The following SCD5 variants were observed in gnomAD, a reference collection of about 807,000 sequenced individuals.
The protein encoded by SCD5 is acyl-CoA-desaturase 4.
Under a neutral mutation model 30.4 loss-of-function variants are expected in SCD5, and 20 were observed. The ratio of observed to expected loss-of-function variants is 0.66; its 90% CI spans 0.46 to 0.96. The LOEUF (loss-of-function observed/expected upper bound fraction) is 0.96. SCD5 is among the 40% of genes least tolerant of loss of function. The pLI is 0.00. For missense variants in SCD5, 381 were observed against 443.3 expected, an observed-to-expected ratio of 0.86 and a Z score of 1.26; for synonymous variants, 173 against 176.4, an observed-to-expected ratio of 0.98 and a Z score of 0.16.
At chr4:82,685,114 T>C (rs1005047978) in intron 2 of SCD5, among the ~76,000 whole-genome samples, 1 of 152,140 alleles carries the variant, frequency 6.6e-6, no homozygotes, top group Non-Finnish European at 1.5e-5. Flanking sequence ...TCTCACCACA[T>C]GTTAATTGAT....
chr4:82,646,929 T>G (rs1430322870), intron 3 of SCD5, among the ~76,000 whole-genome samples: 1 of 152,234 alleles, frequency 6.6e-6, no homozygotes, highest in Non-Finnish European at 1.5e-5. Flanking sequence ...TTCAAGTGAT[T>G]CTCCTGCCTC....
At chr4:82,763,310 G>A (rs1043906241) in intron 1 of SCD5, among the ~76,000 whole-genome samples, 2 of 152,106 alleles carry the variant, frequency 1.3e-5, no homozygotes, top group African/African-American at 2.4e-5. Flanking sequence ...TCAGGAGTTC[G>A]AGACCAGCCT....
intron 1 of SCD5, among the ~76,000 whole-genome samples, chr4:82,709,020 G>A (rs1720025386): frequency 6.6e-6 from 1 of 152,116 alleles, no homozygotes; most frequent in Non-Finnish European, 1.5e-5. Flanking sequence ...GTGCCATTAT[G>A]ATCTCCATCT....
At chr4:82,683,455 A>C (rs1010796688) in intron 2 of SCD5, among the ~76,000 whole-genome samples, 1 of 152,244 alleles carries the variant, frequency 6.6e-6, no homozygotes, top group African/African-American at 2.4e-5. Context: ...CATTTATATA[A>C]GTTCATCCAA....
At chr4:82,696,639 T>C (rs945762745) in intron 2 of SCD5, among the ~76,000 whole-genome samples, 1 of 152,104 alleles carries the variant, frequency 6.6e-6, no homozygotes, top group South Asian at 2.1e-4. Flanking sequence ...GAATAGAAAT[T>C]ATCACAATGA....
At chr4:82,773,797 G>C (rs1332724192) in intron 1 of SCD5, among the ~76,000 whole-genome samples, 11 of 152,066 alleles carry the variant, frequency 7.2e-5, no homozygotes, top group African/African-American at 2.7e-4. Context: ...CTGGTATAAA[G>C]CCTTGAAAAT....
At chr4:82,640,928 G>T (rs1476315908) in intron 3 of SCD5, among the ~76,000 whole-genome samples, 1 of 151,612 alleles carries the variant, frequency 6.6e-6, no homozygotes, top group African/African-American at 2.4e-5. Flanking sequence ...TTGCTAAATG[G>T]GTTTTCTGTT....
intron 1 of SCD5, among the ~76,000 whole-genome samples, chr4:82,740,960 G>T (rs1236098506): frequency 6.6e-6 from 1 of 151,384 alleles, no homozygotes; most frequent in Admixed American, 6.6e-5. Context: ...TTTGAGACAG[G>T]GTCTCGCTCT....
intron 1 of SCD5, among the ~76,000 whole-genome samples, chr4:82,797,866 C>A (rs1189868570): frequency 6.6e-6 from 1 of 152,076 alleles, no homozygotes; most frequent in Non-Finnish European, 1.5e-5. Context: ...CCGTGACCCG[C>A]GGAGGTGATG....
rs1553917220 is a variant in SCD5 at position 82,712,267 on chromosome 4, T to TATAC, written c.233-6855_233-6854insGTAT. 3.0e-4 allele frequency among the ~76,000 whole-genome samples: 14 copies of TATAC among 46,226 alleles called. 1 individual carries two copies. Among genetic ancestry groups the TATAC allele is most frequent in the African/African-American group, 1.8e-3 (13 of 7,200 alleles). 30.3% of individuals were successfully genotyped at this position (46,226 alleles called of 152,430 possible). A position where few individuals can be genotyped will look rare whatever the true frequency, so the allele number is the denominator to read the frequency against. ...ACATATATATATATATATATATATATATATATATATATATATATATATATA... is the reference window on the plus strand; with the variant it reads ...ACATATATATATATATATATATATATATACATATATATATATATATATATATATA... On this transcript the variant is annotated intron_variant, in intron 1 of 4. Transcript: ENST00000319540.
intron 1 of SCD5, among the ~76,000 whole-genome samples, chr4:82,706,388 T>C (rs923830245): frequency 6.6e-6 from 1 of 152,242 alleles, no homozygotes; most frequent in Non-Finnish European, 1.5e-5. Flanking sequence ...ACCACAGACA[T>C]TGTCTTGTCC....
chr4:82,747,074 C>CCCCG (rs796695522), intron 1 of SCD5, among the ~76,000 whole-genome samples: 1 of 149,062 alleles, frequency 6.7e-6, no homozygotes, highest in East Asian at 2.0e-4. Flanking sequence ...AACCTGCCCC[C>CCCCG]CAAGAAAGAC....
intron 1 of SCD5, among the ~76,000 whole-genome samples, chr4:82,797,734 G>A (rs1405358857): frequency 6.6e-6 from 1 of 151,974 alleles, no homozygotes; most frequent in Non-Finnish European, 1.5e-5. Flanking sequence ...CAGGGGCCTT[G>A]GAGAGGCAAG....
chr4:82,711,648 G>T (rs888045649), intron 1 of SCD5, among the ~76,000 whole-genome samples: 2 of 151,998 alleles, frequency 1.3e-5, no homozygotes, highest in Non-Finnish European at 2.9e-5. Context: ...GGAGGCTGCA[G>T]TGAGCCAGGA....
Position 82,798,305 on chromosome 4 carries a change from C to G in SCD5, c.232+1G>C. 6.2e-7 allele frequency: 1 copy of G among 1,606,716 alleles called. No individual in the cohort carries two copies. Among genetic ancestry groups the G allele is most frequent in the Non-Finnish European group, 8.5e-7 (1 of 1,177,270 alleles). ...GCGCAGGGGGCGCCGGCGGGACTTA[C>G]CCCAGAGCAGAGTGAGTGGCTTGGC... On this transcript the variant is annotated splice_donor_variant, in intron 1 of 4. Coordinates refer to ENST00000319540, the MANE Select transcript of SCD5 (RefSeq NM_001037582.3). LOFTEE classifies it high-confidence loss of function.
At chr4:82,705,929 A>AT (rs1466484303) in intron 1 of SCD5, among the ~76,000 whole-genome samples, 1 of 152,208 alleles carries the variant, frequency 6.6e-6, no homozygotes, top group African/African-American at 2.4e-5. Flanking sequence ...CTCAATCTAT[A>AT]TTTATTTGGT....
rs186518078 is a variant in SCD5 at position 82,710,818 on chromosome 4, G to A, written c.233-5405C>T. 5.5e-4 allele frequency among the ~76,000 whole-genome samples: 84 copies of A among 152,058 alleles called. 1 individual carries two copies. Among genetic ancestry groups the A allele is most frequent in the Non-Finnish European group, 1.1e-3 (76 of 67,978 alleles). On this transcript the variant is annotated intron_variant, in intron 1 of 4. Coordinates refer to ENST00000319540, the MANE Select transcript of SCD5 (RefSeq NM_001037582.3). ...TGTTGGAGAGGGAGAGAGGGAGGGAGGGAGGGAGAGAGAGAGAAGGAGAGA... is the reference window on the plus strand; with the variant it reads ...TGTTGGAGAGGGAGAGAGGGAGGGAAGGAGGGAGAGAGAGAGAAGGAGAGA...
Position 82,636,616 on chromosome 4 carries a change from G to T in SCD5, c.777C>A (p.Asn259Lys). The T allele has an allele frequency of 6.2e-7, 1 of 1,614,180 alleles. No homozygotes were observed. Among genetic ancestry groups the T allele is most frequent in the South Asian group, 1.1e-5 (1 of 91,064 alleles). The part of the protein sequence containing the change: ...PYDKHISPRQ[N>K]PLVALGAIGE... ...CAATGGCACCCAGAGCGACGAGTGG[G>T]TTCTGCCGAGGGCTGATGTGCTTGT... Residue 259 changes from asparagine (N) to lysine (K), a missense_variant, in exon 4 of 5, where the codon AAC becomes AAA. Transcript: ENST00000319540.
intron 3 of SCD5, among the ~76,000 whole-genome samples, chr4:82,679,512 G>A (rs1578018025): frequency 6.6e-6 from 1 of 152,254 alleles, no homozygotes. Context: ...TGACATTCAC[G>A]AAGCTCTTAC....
Sources: allele counts gnomAD v4.1 joint callset (sites outside exome capture counted in the v4.1 genomes callset), GRCh38; gene constraint gnomAD v4.1.1; transcripts MANE v1.5; gene names NCBI Gene and HGNC (gene_info 2026-07-23, HGNC 2026-07-21).